The following VKORC1L1 variants were observed in gnomAD, a reference collection of about 807,000 sequenced individuals.
The protein encoded by VKORC1L1 is vitamin K epoxide reductase complex subunit 1L1, also known as vitamin K epoxide reductase complex subunit 1-like protein 1.
Under a neutral mutation model 18.9 loss-of-function variants are expected in VKORC1L1, and 2 were observed. The observed-to-expected ratio is 0.11, with a 90% CI of 0.04 to 0.33. The LOEUF is 0.33. Ranked by LOEUF, VKORC1L1 falls within the 10% of genes least tolerant of loss-of-function variation. The pLI is 1.00. For synonymous variants in VKORC1L1, 96 were observed against 100.0 expected (o/e 0.96, Z 0.24); for missense variants, 123 against 224.1 (o/e 0.55, Z 2.88).
chr7:65,938,465 T>C (rs966378774), intron 1 of VKORC1L1, among the ~76,000 whole-genome samples: 8 of 152,308 alleles, frequency 5.3e-5, no homozygotes, highest in African/African-American at 1.7e-4. Flanking sequence ...TTTCCTAATA[T>C]TGAATAATGT....
chr7:65,915,814 T>C (rs900429431), intron 1 of VKORC1L1, among the ~76,000 whole-genome samples: 7 of 151,960 alleles, frequency 4.6e-5, no homozygotes, highest in Admixed American at 3.9e-4. Flanking sequence ...GCTGCAATAC[T>C]TGTATAAGAG....
At chr7:65,921,826 C>T (rs1205149524) in intron 1 of VKORC1L1, among the ~76,000 whole-genome samples, 3 of 149,868 alleles carry the variant, frequency 2.0e-5, no homozygotes, top group East Asian at 2.0e-4. Flanking sequence ...CCAGCCTGGG[C>T]GACAGAGCGA....
At chr7:65,919,779 C>T (rs1361138442) in intron 1 of VKORC1L1, among the ~76,000 whole-genome samples, 4 of 152,054 alleles carry the variant, frequency 2.6e-5, no homozygotes, top group Admixed American at 6.6e-5. Flanking sequence ...GTGGCCAGGC[C>T]GGGCGCGGTG....
Position 65,873,366 on chromosome 7 carries a change from G to GGC in VKORC1L1, c.-5_-4insCG. ...GGAGGGAGGCGGCGGCGGCGGCGGC[G>GGC]GGAAGATGGCGGCTCCCGTCCTGCT... On this transcript the variant is annotated 5_prime_UTR_variant, in exon 1 of 3. Transcript: ENST00000360768. 6.7e-7 allele frequency: 1 copy of GGC among 1,491,532 alleles called. No individual in the cohort carries two copies. Among genetic ancestry groups the GGC allele is most frequent in the Non-Finnish European group, 8.9e-7 (1 of 1,120,560 alleles). 92.4% of individuals were successfully genotyped at this position (1,491,532 alleles called of 1,614,324 possible).
At chr7:65,910,105 G>T (rs1233065873) in intron 1 of VKORC1L1, among the ~76,000 whole-genome samples, 2 of 152,086 alleles carry the variant, frequency 1.3e-5, no homozygotes, top group Non-Finnish European at 2.9e-5. Flanking sequence ...AAAGTAACAA[G>T]TTGGCTAACA....
intron 1 of VKORC1L1, among the ~76,000 whole-genome samples, chr7:65,880,740 A>G (rs1193275289): frequency 6.6e-6 from 1 of 152,202 alleles, no homozygotes; most frequent in Admixed American, 6.5e-5. Flanking sequence ...AAGAACAGCA[A>G]GTGGTCATAT....
intron 1 of VKORC1L1, among the ~76,000 whole-genome samples, chr7:65,911,032 TCAC>T (rs1250542011): frequency 6.6e-6 from 1 of 152,212 alleles, no homozygotes; most frequent in Non-Finnish European, 1.5e-5. Context: ...ATGTTACACT[TCAC>T]CATTAATTAT....
At chr7:65,866,617 A>G in the VKORC1L1 span, among the ~76,000 whole-genome samples, 1 of 152,204 alleles carries the variant, frequency 6.6e-6, no homozygotes, top group Non-Finnish European at 1.5e-5. Flanking sequence ...ACTAAAGAAG[A>G]TGAAAAATTA....
chr7:65,887,810 G>GT (rs201110726), intron 1 of VKORC1L1, among the ~76,000 whole-genome samples: 4 of 150,910 alleles, frequency 2.7e-5, no homozygotes, highest in East Asian at 3.9e-4. Context: ...TTTTAATTTT[G>GT]TTTTTTTTCC....
At chr7:65,902,744 G>A (rs1789339319) in intron 1 of VKORC1L1, among the ~76,000 whole-genome samples, 1 of 151,930 alleles carries the variant, frequency 6.6e-6, no homozygotes, top group Non-Finnish European at 1.5e-5. Context: ...CTTGAAAGCA[G>A]GCAGAGAAAA....
At chr7:65,916,882 GC>G (rs1789598066) in intron 1 of VKORC1L1, among the ~76,000 whole-genome samples, 1 of 152,150 alleles carries the variant, frequency 6.6e-6, no homozygotes, top group South Asian at 2.1e-4. Context: ...ATAGGCATGA[GC>G]TACCAAGCCT....
At chr7:65,901,848 G>A (rs1323786765) in intron 1 of VKORC1L1, among the ~76,000 whole-genome samples, 1 of 152,100 alleles carries the variant, frequency 6.6e-6, no homozygotes, top group Admixed American at 6.6e-5. Flanking sequence ...AAAGCAGCAG[G>A]CCAAACAATT....
intron 1 of VKORC1L1, among the ~76,000 whole-genome samples, chr7:65,914,256 C>T (rs887521579): frequency 1.3e-5 from 2 of 152,132 alleles, no homozygotes; most frequent in Non-Finnish European, 2.9e-5. Context: ...ATCATACCAC[C>T]ATGCCCAACT....
chr7:65,876,273 C>A (rs968076013), intron 1 of VKORC1L1, among the ~76,000 whole-genome samples: 1 of 152,076 alleles, frequency 6.6e-6, no homozygotes, highest in African/African-American at 2.4e-5. Flanking sequence ...TAAATGGAAT[C>A]ATTTAGCTAT....
At chr7:65,948,241 T>C (rs941009686) in intron 1 of VKORC1L1, among the ~76,000 whole-genome samples, 10 of 151,980 alleles carry the variant, frequency 6.6e-5, no homozygotes, top group African/African-American at 2.4e-4. Flanking sequence ...CTGTTAGTTA[T>C]GTAATGCACA....
At chr7:65,937,809 CAT>C (rs758188354) in intron 1 of VKORC1L1, among the ~76,000 whole-genome samples, 2 of 152,162 alleles carry the variant, frequency 1.3e-5, no homozygotes, top group Non-Finnish European at 2.9e-5. Context: ...GAGACAGACA[CAT>C]ATGGATGTAT....
At chr7:65,877,228 G>T (rs566377401) in intron 1 of VKORC1L1, among the ~76,000 whole-genome samples, 1 of 151,968 alleles carries the variant, frequency 6.6e-6, no homozygotes, top group African/African-American at 2.4e-5. Flanking sequence ...GTACATACTT[G>T]TTTATATGTT....
At chr7:65,934,330 ATTAAATCAAGCTACTT>A (rs1789906315) in intron 1 of VKORC1L1, among the ~76,000 whole-genome samples, 1 of 152,230 alleles carries the variant, frequency 6.6e-6, no homozygotes, top group African/African-American at 2.4e-5. Context: ...ATATAGAATA[ATTAAATCAAGCTACTT>A]AACATATCCA....
intron 1 of VKORC1L1, among the ~76,000 whole-genome samples, chr7:65,897,400 T>C (rs1482540716): frequency 6.6e-6 from 1 of 152,238 alleles, no homozygotes; most frequent in Non-Finnish European, 1.5e-5. Context: ...CTAAACTCTA[T>C]GGAGAGCAGT....
Sources: gnomAD v4.1 joint callset for allele counts (sites outside exome capture counted in the v4.1 genomes callset) on GRCh38, gnomAD v4.1.1 for gene constraint, MANE v1.5 for transcripts, NCBI Gene and HGNC (gene_info 2026-07-23, HGNC 2026-07-21) for gene names.